MYOM2: variants seen among roughly 807,000 people sequenced by gnomAD.
MYOM2 encodes the protein myomesin-2.
MYOM2 carries 254 observed loss-of-function variants against 187.6 expected under a neutral mutation model. That is an observed-to-expected ratio of 1.35 (90% confidence interval 1.22 to 1.50). MYOM2 has a LOEUF of 1.50. Among genes scored for constraint, MYOM2 ranks in the 40% most tolerant of loss-of-function variants. MYOM2 has a pLI of 0.00. For missense variants in MYOM2, 2,796 were observed against 1,924.0 expected, an observed-to-expected ratio of 1.45 and a Z score of -8.48; for synonymous variants, 981 against 753.8, an observed-to-expected ratio of 1.30 and a Z score of -4.94.
At chr8:2,076,370 G>C (rs962103500) in intron 11 of MYOM2, 88 bp downstream of exon 11, 1 of 1,479,344 alleles carries the variant, frequency 6.8e-7, no homozygotes, top group Admixed American at 2.3e-5. Flanking sequence ...TCTCAATGCA[G>C]GTTGACGTTC....
At chr8:2,133,395 T>C (rs1316107021) in intron 32 of MYOM2, among the ~76,000 whole-genome samples, 1 of 152,212 alleles carries the variant, frequency 6.6e-6, no homozygotes, top group Non-Finnish European at 1.5e-5. Context: ...CACAGCGCTA[T>C]TGAAACCTTC....
rs781764280 is a variant in MYOM2, at chr8:2,069,515, T to C, written c.793+18T>C. On this transcript the variant is annotated intron_variant, in intron 8 of 36. Transcript: ENST00000262113. ...GATTGGATGTAAGTGGGTTTTTGTTTCTTTTCTGTGTGGTGAAATGTTTAG... is the reference window on the plus strand; with the variant it reads ...GATTGGATGTAAGTGGGTTTTTGTTCCTTTTCTGTGTGGTGAAATGTTTAG... The C allele has an allele frequency of 2.5e-6, 4 of 1,614,062 alleles. No homozygotes were observed. In the African/African-American group the frequency reaches 5.3e-5, roughly 22 times the overall value.
chr8:2,111,474 G>C (rs970263009), intron 25 of MYOM2, among the ~76,000 whole-genome samples: 2 of 152,210 alleles, frequency 1.3e-5, no homozygotes, highest in Non-Finnish European at 1.5e-5. Context: ...CTCAGAGCCA[G>C]TTAAAGTAAG....
intron 14 of MYOM2, among the ~76,000 whole-genome samples, chr8:2,086,180 C>CCCACTGTCATGATCTCTGGCACT (rs2116708569): frequency 5.8e-5 from 1 of 17,244 alleles, no homozygotes; most frequent in Non-Finnish European, 1.1e-4. Context: ...TCTGCGTGGC[C>CCCACTGTCATGATCTCTGGCACT]CCACTGTCAT....
intron 3 of MYOM2, among the ~76,000 whole-genome samples, chr8:2,054,020 A>G (rs1818576198): frequency 6.6e-6 from 1 of 152,200 alleles, no homozygotes; most frequent in African/African-American, 2.4e-5. Flanking sequence ...AGAAGGGCCC[A>G]GGAGGGATGA....
At chr8:2,122,893 A>G (rs1797504806) in intron 28 of MYOM2, among the ~76,000 whole-genome samples, 1 of 152,186 alleles carries the variant, frequency 6.6e-6, no homozygotes, top group Non-Finnish European at 1.5e-5. Context: ...CCCTCAGAAT[A>G]TTCTCTATTA....
At chr8:2,104,283 C>T (rs1213981554) in intron 21 of MYOM2, among the ~76,000 whole-genome samples, 2 of 152,168 alleles carry the variant, frequency 1.3e-5, no homozygotes, top group African/African-American at 4.8e-5. Flanking sequence ...TGTAACAGAA[C>T]ACCGAGGCTG....
In MYOM2 at chr8:2,123,632, A is replaced by T. The variant is rs375761871; in HGVS notation, c.3645A>T (p.Ile1215=). 2 of 1,614,002 alleles carry T rather than the reference A, an allele frequency of 1.2e-6. No individual in the cohort carries two copies. Among genetic ancestry groups the T allele is most frequent in the Non-Finnish European group, 1.7e-6 (2 of 1,179,938 alleles). The change falls in exon 30 of 37, where the codon ATA becomes ATT. Residue 1215 remains isoleucine, a synonymous_variant. Coordinates refer to ENST00000262113, the MANE Select transcript of MYOM2 (RefSeq NM_003970.4). ...DRGQDVSILE[I]AGKVYDDMIL... ...GCCAAGATGTGTCCATCCTTGAAAT[A>T]GCTGGCAAAGGTAAAAGAAAACCTC...
intron 13 of MYOM2, among the ~76,000 whole-genome samples, chr8:2,079,876 C>G (rs973967617): frequency 6.6e-6 from 1 of 152,184 alleles, no homozygotes; most frequent in African/African-American, 2.4e-5. Context: ...TTTACAAAGG[C>G]GTTCTTTCAG....
rs866754933 is a variant in MYOM2 at position 2,072,365 on chromosome 8, C to G, written c.814C>G (p.Pro272Ala). ...TGCAGTGCCCCTGTCATCGATGATT[C>G]CGTACACGCACTTCGACGTCCAGTT... ...PIGLPLSSMI[P>A]YTHFDVQFLE... Residue 272 changes from proline (P) to alanine (A), a missense_variant, in exon 9 of 37, where the codon CCG becomes GCG. Physicochemically the swap from Pro to Ala is conservative, Grantham distance 27. Transcript: ENST00000262113. 1 of 1,614,142 alleles carries G rather than the reference C, an allele frequency of 6.2e-7. No homozygotes were observed. Among genetic ancestry groups the G allele is most frequent in the Non-Finnish European group, 8.5e-7 (1 of 1,180,014 alleles).
At chr8:2,093,898 G>A (rs1163219082) in intron 16 of MYOM2, 72 bp from the exon 17 acceptor site, 37 of 1,574,324 alleles carry the variant, frequency 2.4e-5, no homozygotes, top group Non-Finnish European at 8.6e-7. Flanking sequence ...CGTTCAGGGT[G>A]ATTTTTGCTT....
intron 31 of MYOM2, among the ~76,000 whole-genome samples, chr8:2,124,878 T>C (rs79463347): frequency 0.033 from 5,005 of 152,278 alleles, 283 homozygotes; most frequent in African/African-American, 0.11. Flanking sequence ...CTGTTGGCCA[T>C]TTTTCTGTCT....
chr8:2,069,176 C>T, intron 6 of MYOM2, 102 bp from the exon 7 acceptor site: 1 of 1,122,430 alleles, frequency 8.9e-7, no homozygotes, highest in Non-Finnish European at 1.3e-6. Context: ...ACAAATAAAC[C>T]ACGCCATGTG....
intron 31 of MYOM2, among the ~76,000 whole-genome samples, chr8:2,126,687 TGAGG>T (rs1349010906): frequency 8.2e-6 from 1 of 122,212 alleles, no homozygotes; most frequent in Non-Finnish European, 1.7e-5. Flanking sequence ...GGGGGAGCAC[TGAGG>T]GAGGCTGATG....
Position 2,073,039 on chromosome 8 carries a change from G to C in MYOM2, c.959-300G>C, listed in dbSNP as rs775390939. Among the ~76,000 whole-genome samples, 5 of 152,328 alleles carry C rather than the reference G, an allele frequency of 3.3e-5. No homozygotes were observed. The South Asian group carries it at 8.3e-4, about 25-fold the overall frequency. On this transcript the variant is annotated intron_variant, in intron 9 of 36. Transcript: ENST00000262113. Reference sequence around the variant, plus strand: ...GTTGGGGCAGTGGCCGTCCAGCAGAGAAGCAGCGGGCCCCCAGGTGAACCC... The same window carrying C: ...GTTGGGGCAGTGGCCGTCCAGCAGACAAGCAGCGGGCCCCCAGGTGAACCC...
At chr8:2,090,258 T>A in intron 15 of MYOM2, 67 bp downstream of exon 15, 1 of 1,454,718 alleles carries the variant, frequency 6.9e-7, no homozygotes, top group Non-Finnish European at 9.4e-7. Context: ...CAAATAGCCT[T>A]AAATTGTGTG....
chr8:2,108,857 C>T, intron 24 of MYOM2, 27 bp downstream of exon 24: 1 of 1,611,092 alleles, frequency 6.2e-7, no homozygotes. Flanking sequence ...CCCTTCCCCT[C>T]TGCTTGCAGC....
chr8:2,050,766 G>A lies in MYOM2; in HGVS notation c.-1G>A. On this transcript the variant is annotated 5_prime_UTR_variant, in exon 2 of 37. Coordinates refer to ENST00000262113, the MANE Select transcript of MYOM2 (RefSeq NM_003970.4). ...GACTCTCTTTGTAGGAGCACGCCAA[G>A]ATGTCCCTTGTGACTGTCCCCTTCT... 3.1e-6 allele frequency: 5 copies of A among 1,608,682 alleles called. No individual in the cohort carries two copies. Among genetic ancestry groups the A allele is most frequent in the Non-Finnish European group, 4.3e-6 (5 of 1,175,324 alleles).
intron 14 of MYOM2, among the ~76,000 whole-genome samples, chr8:2,087,296 G>T (rs1037537240): frequency 6.6e-6 from 1 of 152,076 alleles, no homozygotes; most frequent in Non-Finnish European, 1.5e-5. Context: ...TACAATAATC[G>T]CATCTAGCAC....
Sources: gnomAD v4.1 joint callset for allele counts (sites outside exome capture counted in the v4.1 genomes callset) on GRCh38, gnomAD v4.1.1 for gene constraint, MANE v1.5 for transcripts, NCBI Gene and HGNC (gene_info 2026-07-23, HGNC 2026-07-21) for gene names.